The following ABTB2 variants were observed in gnomAD, a reference collection of about 807,000 sequenced individuals.
ABTB2 encodes the protein ankyrin repeat and BTB domain containing 2.
In ABTB2, 56 loss-of-function variants were observed where a neutral mutation model predicts 104.1. That is an observed-to-expected ratio of 0.54 (90% confidence interval 0.43 to 0.67). The LOEUF is 0.67. ABTB2 is among the 30% of genes least tolerant of loss of function. The probability of loss-of-function intolerance (pLI) is 0.00; values close to 1 mark genes in which losing one functional copy is unlikely to be tolerated. For synonymous variants in ABTB2, 606 were observed against 608.2 expected (o/e 1.00, Z 0.05); for missense variants, 1,279 against 1,407.7 (o/e 0.91, Z 1.46).
Position 34,190,873 on chromosome 11 carries a change from T to C in ABTB2, c.1244+6452A>G, listed in dbSNP as rs1375772113. Among the ~76,000 whole-genome samples, 2 of 152,206 alleles carry C rather than the reference T, an allele frequency of 1.3e-5. 1 individual carries two copies. Among genetic ancestry groups the C allele is most frequent in the African/African-American group, 4.8e-5 (2 of 41,452 alleles). ...ATCTAAATGTTGTTTATGGCCATTATAATGAGGAGGAGACACCATTTAATG... is the reference window on the plus strand; with the variant it reads ...ATCTAAATGTTGTTTATGGCCATTACAATGAGGAGGAGACACCATTTAATG... On this transcript the variant is annotated intron_variant, in intron 3 of 16. Coordinates refer to ENST00000435224, the MANE Select transcript of ABTB2 (RefSeq NM_145804.3).
rs1293180954 is a variant in ABTB2 at position 34,350,004 on chromosome 11, T to G, written c.883+6697A>C. On this transcript the variant is annotated intron_variant, in intron 1 of 16. Coordinates refer to ENST00000435224, the MANE Select transcript of ABTB2 (RefSeq NM_145804.3). ...CTCTCACATCCCAGGGCACTGAGTA[T>G]GCATAAGGCACAACCGCATGTGTAC... Among the ~76,000 whole-genome samples, 4 of 152,270 alleles carry G rather than the reference T, an allele frequency of 2.6e-5. No homozygotes were observed. The East Asian group carries it at 7.7e-4, about 29-fold the overall frequency.
chr11:34,271,679 G>A (rs1409745233), intron 1 of ABTB2, among the ~76,000 whole-genome samples: 1 of 152,166 alleles, frequency 6.6e-6, no homozygotes, highest in Non-Finnish European at 1.5e-5. Context: ...GGCTGAATGA[G>A]CTGTGATTGT....
At chr11:34,157,986 C>T (rs1852652983) in intron 14 of ABTB2, among the ~76,000 whole-genome samples, 1 of 152,230 alleles carries the variant, frequency 6.6e-6, no homozygotes, top group African/African-American at 2.4e-5. Context: ...ATGCCTCTGA[C>T]TCCTCTACCA....
At chr11:34,175,739 C>T (rs1338827482) in intron 3 of ABTB2, among the ~76,000 whole-genome samples, 1 of 152,152 alleles carries the variant, frequency 6.6e-6, no homozygotes, top group East Asian at 1.9e-4. Flanking sequence ...GCCAGTAAAG[C>T]CTCACTATCT....
chr11:34,265,582 C>T (rs532588424), intron 1 of ABTB2, among the ~76,000 whole-genome samples: 4 of 142,518 alleles, frequency 2.8e-5, no homozygotes, highest in South Asian at 4.8e-4. Context: ...CGCTTGAACC[C>T]GGGAGGTGGA....
rs370684857 is a variant in ABTB2, at chr11:34,229,476, A to G, written c.884-24786T>C. ...AGCCTGGGTGACAGAGTGAGACTCCATCTCAAAAAAAAAAAAAAAAGAAAG... is the reference window on the plus strand; with the variant it reads ...AGCCTGGGTGACAGAGTGAGACTCCGTCTCAAAAAAAAAAAAAAAAGAAAG... On this transcript the variant is annotated intron_variant, in intron 1 of 16. Transcript: ENST00000435224. 4.5e-3 allele frequency among the ~76,000 whole-genome samples: 668 copies of G among 148,824 alleles called. 5 individuals are homozygous for G. Among genetic ancestry groups the G allele is most frequent in the African/African-American group, 0.016 (630 of 40,300 alleles).
At chr11:34,245,640 G>A (rs1853975128) in intron 1 of ABTB2, among the ~76,000 whole-genome samples, 1 of 152,208 alleles carries the variant, frequency 6.6e-6, no homozygotes, top group African/African-American at 2.4e-5. Flanking sequence ...AGCAGGAGCT[G>A]GTGTCTGGGT....
intron 1 of ABTB2, among the ~76,000 whole-genome samples, chr11:34,244,548 ATCATT>A (rs1653316243): frequency 6.6e-6 from 1 of 152,222 alleles, no homozygotes; most frequent in African/African-American, 2.4e-5. Context: ...TTTTATGAAG[ATCATT>A]TCATTTAATT....
In ABTB2 at chr11:34,306,122, C is replaced by T. The variant is rs566574759; in HGVS notation, c.883+50579G>A. On this transcript the variant is annotated intron_variant, in intron 1 of 16. Coordinates refer to ENST00000435224, the MANE Select transcript of ABTB2 (RefSeq NM_145804.3). The stretch of plus-strand genomic sequence containing the variant: ...CTCTAAGAATACAGTTAGGTATTTA[C>T]AGGTCTCAGCACCATGACTCTAAAC... Among the ~76,000 whole-genome samples the T allele has an allele frequency of 9.9e-5, 15 of 151,850 alleles. No homozygotes were observed. In the East Asian group the frequency reaches 2.7e-3, roughly 27 times the overall value.
rs534766444 is a variant in ABTB2, at chr11:34,251,099, C to G, written c.884-46409G>C. Among the ~76,000 whole-genome samples, 14 of 152,258 alleles carry G rather than the reference C, an allele frequency of 9.2e-5. No homozygotes were observed. The South Asian group carries it at 2.7e-3, about 29-fold the overall frequency. On this transcript the variant is annotated intron_variant, in intron 1 of 16. Coordinates refer to ENST00000435224, the MANE Select transcript of ABTB2 (RefSeq NM_145804.3). The stretch of plus-strand genomic sequence containing the variant: ...GTGGGCTAAGAGATAAATCTTCTAC[C>G]CTGGCTTCTTAATAGGGGCTGGCCT...
intron 2 of ABTB2, among the ~76,000 whole-genome samples, chr11:34,199,649 C>T (rs925280900): frequency 1.3e-5 from 2 of 151,998 alleles, no homozygotes; most frequent in African/African-American, 4.8e-5. Flanking sequence ...CAGGGAGGCT[C>T]CCCCGGAGGT....
Position 34,197,488 on chromosome 11 carries a change from A to G in ABTB2, c.1081T>C (p.Cys361Arg), listed in dbSNP as rs745718426. ...MHHMQGRHPL[C>R]PGASPARQAR... ...TGGCGGGCAGGGCTGGCACCCGGGC[A>G]CAGGGGGTGACGCCCCTGCATGTGG... The change falls in exon 3 of 17, where the codon TGC (cysteine) becomes CGC (arginine). Residue 361 changes from cysteine (C) to arginine (R), a missense_variant. Coordinates refer to ENST00000435224, the MANE Select transcript of ABTB2 (RefSeq NM_145804.3). 12 of 1,579,808 alleles carry G rather than the reference A, an allele frequency of 7.6e-6. No homozygotes were observed. Among genetic ancestry groups the G allele is most frequent in the Admixed American group, 7.0e-5 (4 of 56,738 alleles).
intron 7 of ABTB2, 51 bp from the exon 8 acceptor site, chr11:34,165,407 C>T (rs1203641633): frequency 6.6e-7 from 1 of 1,506,576 alleles, no homozygotes; most frequent in African/African-American, 1.4e-5. Context: ...CAGGGAGCAC[C>T]TGGGAAGGGC....
intron 1 of ABTB2, among the ~76,000 whole-genome samples, chr11:34,317,127 T>C (rs937752111): frequency 6.6e-6 from 1 of 152,228 alleles, no homozygotes; most frequent in Non-Finnish European, 1.5e-5. Context: ...CCTTGGTACT[T>C]CATGCCATAG....
rs1854089225 is a variant in ABTB2 at position 34,254,026 on chromosome 11, C to CTTACACTTAAGTGTA, written c.884-49337_884-49336insTACACTTAAGTGTAA. 4.6e-5 allele frequency among the ~76,000 whole-genome samples: 7 copies of CTTACACTTAAGTGTA among 152,286 alleles called. No individual in the cohort carries two copies. In the South Asian group the frequency reaches 1.5e-3, roughly 32 times the overall value. On this transcript the variant is annotated intron_variant, in intron 1 of 16. Transcript: ENST00000435224. ...ATGTGGTACAGCAGTGGCAGTGTAACAGTACCCACAGCTTAATAAGTCATG... is the reference window on the plus strand; with the variant it reads ...ATGTGGTACAGCAGTGGCAGTGTAACTTACACTTAAGTGTAAGTACCCACAGCTTAATAAGTCATG...
chr11:34,203,606 T>C (rs1317171408), intron 2 of ABTB2, among the ~76,000 whole-genome samples: 4 of 152,154 alleles, frequency 2.6e-5, no homozygotes. Context: ...GAGTCAGAAA[T>C]CCTGCTTTCT....
chr11:34,356,915 G>A lies in ABTB2; in HGVS notation c.669C>T (p.Ile223=). The change falls in exon 1 of 17, where the codon ATC becomes ATT. Residue 223 remains isoleucine, a synonymous_variant. Transcript: ENST00000435224. This position sits in a 1 kb window ranked among gnomAD's most constrained non-coding sequence, Gnocchi z 4.6. ...TGAGGGAGATGGCTGCGTACTCGTG[G>A]ATGCGCACGGAGATTCGGGTGTCCA... ...WMVDTRISVR[I]HEYAAISLTA... is the part of the protein sequence containing the mutation. The A allele has an allele frequency of 1.2e-6, 2 of 1,602,662 alleles. No homozygotes were observed. Among genetic ancestry groups the A allele is most frequent in the Middle Eastern group, 1.7e-4 (1 of 6,050 alleles).
intron 3 of ABTB2, among the ~76,000 whole-genome samples, chr11:34,187,063 C>T (rs1590210926): frequency 1.3e-5 from 2 of 152,178 alleles, no homozygotes; most frequent in African/African-American, 2.4e-5. Context: ...GGGCATGCCT[C>T]GGACCTCCTC....
At chr11:34,301,774 A>G (rs1481331079) in intron 1 of ABTB2, among the ~76,000 whole-genome samples, 1 of 152,224 alleles carries the variant, frequency 6.6e-6, no homozygotes, top group Admixed American at 6.5e-5. Context: ...GCTTGAGCCC[A>G]AGAGTTTGAG....
Sources: gnomAD v4.1 joint callset for allele counts (sites outside exome capture counted in the v4.1 genomes callset) on GRCh38, gnomAD v4.1.1 for gene constraint, Gnocchi (gnomAD v3.1) non-coding constraint, MANE v1.5 for transcripts, NCBI Gene and HGNC (gene_info 2026-07-23, HGNC 2026-07-21) for gene names.